SYT1: variants seen among roughly 807,000 people sequenced by gnomAD.
SYT1 encodes the protein synaptotagmin-1.
A neutral mutation model predicts 44.8 loss-of-function variants in SYT1; 8 were observed. That is an observed-to-expected ratio of 0.18 (90% CI 0.10 to 0.32). The LOEUF (loss-of-function observed/expected upper bound fraction) is 0.32. Ranked by LOEUF, SYT1 falls within the 10% of genes least tolerant of loss-of-function variation. SYT1 has a pLI of 1.00. For missense variants in SYT1, 286 were observed against 509.3 expected, an observed-to-expected ratio of 0.56 and a Z score of 4.22; for synonymous variants, 154 against 188.8, an observed-to-expected ratio of 0.82 and a Z score of 1.51.
intron 1 of SYT1, among the ~76,000 whole-genome samples, chr12:78,901,135 T>A (rs1875639625): frequency 6.6e-6 from 1 of 152,110 alleles, no homozygotes; most frequent in Non-Finnish European, 1.5e-5. Flanking sequence ...CCAGAAAGAA[T>A]AGTAGTGAAC....
intron 3 of SYT1, among the ~76,000 whole-genome samples, chr12:79,095,548 A>C (rs756762773): frequency 5.3e-5 from 8 of 151,910 alleles, no homozygotes; most frequent in Non-Finnish European, 1.2e-4. Context: ...TCAATAAAAG[A>C]CTTCATTTAT....
At position 78,887,186 on chromosome 12, in the gene SYT1, C is replaced by T. The variant is rs184203731; in HGVS notation, c.-217+22077C>T. Among the ~76,000 whole-genome samples, 1,171 of 151,972 alleles carry T rather than the reference C, an allele frequency of 7.7e-3. 16 individuals are homozygous for T. Among genetic ancestry groups the T allele is most frequent in the African/African-American group, 0.027 (1,132 of 41,484 alleles). The stretch of plus-strand genomic sequence containing the variant: ...TTTTGAGTAGCATGATGAAATCTCA[C>T]GCCATCCTACTCCATCCTGCCCAGG... On this transcript the variant is annotated intron_variant, in intron 1 of 10. Transcript: ENST00000261205.
chr12:79,163,424 A>G (rs1050886303), intron 3 of SYT1, among the ~76,000 whole-genome samples: 12 of 152,090 alleles, frequency 7.9e-5, no homozygotes, highest in African/African-American at 2.9e-4. Flanking sequence ...CAGTATCAAT[A>G]ATGAAAGTAG....
intron 9 of SYT1, among the ~76,000 whole-genome samples, chr12:79,423,905 C>T (rs189354299): frequency 3.4e-4 from 51 of 151,478 alleles, no homozygotes; most frequent in Admixed American, 2.6e-3. Flanking sequence ...GGCCTAAGCA[C>T]CTGGATCTAT....
At chr12:78,961,294 C>T (rs1005571895) in intron 1 of SYT1, among the ~76,000 whole-genome samples, 3 of 151,780 alleles carry the variant, frequency 2.0e-5, no homozygotes, top group South Asian at 2.1e-4. Flanking sequence ...TATTTTGTGG[C>T]GACATAATCT....
chr12:78,950,219 G>A lies in SYT1; in HGVS notation c.-216-27580G>A, dbSNP rs1878888801. The stretch of plus-strand genomic sequence containing the variant: ...GACTAGATTTTCATTCAGTCATGAG[G>A]CATAAGCATTTTATATCATTACATA... On this transcript the variant is annotated intron_variant, in intron 1 of 10. Coordinates refer to ENST00000261205, the MANE Select transcript of SYT1 (RefSeq NM_005639.3). 2.0e-5 allele frequency among the ~76,000 whole-genome samples: 3 copies of A among 152,058 alleles called. No individual in the cohort carries two copies. In the South Asian group the frequency reaches 6.2e-4, roughly 32 times the overall value.
chr12:78,867,664 TA>T (rs1413081066), intron 1 of SYT1, among the ~76,000 whole-genome samples: 2 of 152,034 alleles, frequency 1.3e-5, no homozygotes, highest in Non-Finnish European at 2.9e-5. Flanking sequence ...GGGAAAATCC[TA>T]AAATACTAAT....
At chr12:79,265,309 G>C (rs1211806496) in intron 4 of SYT1, among the ~76,000 whole-genome samples, 1 of 151,980 alleles carries the variant, frequency 6.6e-6, no homozygotes, top group Non-Finnish European at 1.5e-5. Context: ...AAATTTATTT[G>C]GCAATTTAAG....
intron 9 of SYT1, among the ~76,000 whole-genome samples, chr12:79,361,421 T>C (rs1034735614): frequency 3.3e-5 from 5 of 152,160 alleles, no homozygotes; most frequent in African/African-American, 7.2e-5. Flanking sequence ...TTATCATTGC[T>C]CAGCAGGTTC....
At chr12:79,174,721 T>C (rs1871752825) in intron 3 of SYT1, among the ~76,000 whole-genome samples, 1 of 152,020 alleles carries the variant, frequency 6.6e-6, no homozygotes, top group Admixed American at 6.6e-5. Context: ...ATCACTTCAG[T>C]CCTTTGGAAT....
chr12:79,368,550 C>A (rs983110736), intron 9 of SYT1, among the ~76,000 whole-genome samples: 1 of 150,026 alleles, frequency 6.7e-6, no homozygotes, highest in African/African-American at 2.4e-5. Flanking sequence ...CACATCCTCT[C>A]CAGCACCTGT....
rs139100089 is a variant in SYT1, at chr12:79,448,977, C to T, written c.1122C>T (p.Ile374=). 1.0e-4 allele frequency: 165 copies of T among 1,614,232 alleles called. No homozygotes were observed. The East Asian group carries it at 2.4e-3, about 24-fold the overall frequency. The change falls in exon 11 of 11, where the codon ATC becomes ATT. Residue 374 remains isoleucine, a synonymous_variant. Coordinates refer to ENST00000261205, the MANE Select transcript of SYT1 (RefSeq NM_005639.3). ...DYDKIGKNDA[I]GKVFVGYNST... is the part of the protein sequence containing the mutation. ...ACAAGATTGGCAAGAACGATGCCAT[C>T]GGCAAAGTCTTTGTGGGCTACAACA...
chr12:78,956,567 TTAAAA>T (rs1467141240), intron 1 of SYT1, among the ~76,000 whole-genome samples: 1 of 149,880 alleles, frequency 6.7e-6, no homozygotes, highest in Non-Finnish European at 1.5e-5. Flanking sequence ...CATTTTAAAC[TTAAAA>T]TAGGCATCAA....
At chr12:78,983,385 A>G (rs573357490) in intron 2 of SYT1, among the ~76,000 whole-genome samples, 2 of 152,088 alleles carry the variant, frequency 1.3e-5, no homozygotes, top group African/African-American at 4.8e-5. Context: ...TTATCATGAG[A>G]TTTTTCTTAA....
At chr12:79,034,526 A>G (rs1200833181) in intron 2 of SYT1, among the ~76,000 whole-genome samples, 1 of 151,744 alleles carries the variant, frequency 6.6e-6, no homozygotes, top group Admixed American at 6.6e-5. Flanking sequence ...ATACTTATTA[A>G]CTCCAAAGAA....
intron 2 of SYT1, among the ~76,000 whole-genome samples, chr12:78,983,379 C>A (rs1869413777): frequency 6.6e-6 from 1 of 152,044 alleles, no homozygotes; most frequent in South Asian, 2.1e-4. Context: ...CTTTTCTTAT[C>A]ATGAGATTTT....
intron 3 of SYT1, among the ~76,000 whole-genome samples, chr12:79,104,163 T>G (rs1018119738): frequency 7.2e-5 from 11 of 152,048 alleles, no homozygotes; most frequent in South Asian, 4.1e-4. Context: ...CAATTTTTTT[T>G]TTTTTGTAAT....
intron 7 of SYT1, among the ~76,000 whole-genome samples, chr12:79,297,136 G>C (rs1026517179): frequency 3.9e-5 from 6 of 152,020 alleles, no homozygotes; most frequent in Non-Finnish European, 8.8e-5. Flanking sequence ...CTCAAACCTT[G>C]TTTTCAATTA....
intron 8 of SYT1, among the ~76,000 whole-genome samples, chr12:79,349,533 A>G (rs1350439597): frequency 6.6e-6 from 1 of 152,164 alleles, no homozygotes; most frequent in South Asian, 2.1e-4. Context: ...TGAGACAGCT[A>G]TGTAACCTAC....
Sources: gnomAD v4.1 joint callset for allele counts (sites outside exome capture counted in the v4.1 genomes callset) on GRCh38, gnomAD v4.1.1 for gene constraint, MANE v1.5 for transcripts, NCBI Gene and HGNC (gene_info 2026-07-23, HGNC 2026-07-21) for gene names.